Variants in NPC1L1 observed in about 807,000 individuals in gnomAD.
NPC1L1 encodes NPC1-like intracellular cholesterol transporter 1.
Under a neutral mutation model 117.0 loss-of-function variants are expected in NPC1L1, and 98 were observed. The ratio of observed to expected loss-of-function variants is 0.84; its 90% CI spans 0.71 to 0.99. NPC1L1 has a LOEUF of 0.99. Among genes scored for constraint, NPC1L1 ranks in the 50% least tolerant of loss-of-function variants. NPC1L1 has a pLI of 0.00. For missense variants in NPC1L1, 1,540 were observed against 1,710.0 expected, an observed-to-expected ratio of 0.90 and a Z score of 1.75; for synonymous variants, 729 against 727.6, an observed-to-expected ratio of 1.00 and a Z score of -0.03.
In NPC1L1 at chr7:44,518,624, G is replaced by A. The variant is rs1263893172; in HGVS notation, c.3137-1267C>T. On this transcript the variant is annotated intron_variant, in intron 14 of 18. Coordinates refer to ENST00000381160, the MANE Select transcript of NPC1L1 (RefSeq NM_001101648.2). ...GTAGAGGTTGCAGTGAGCCGAGATT[G>A]TGCCACTGTACTCCAGCCTGGGTGA... 7 of 818,446 alleles carry A rather than the reference G, an allele frequency of 8.6e-6. No homozygotes were observed. The South Asian group carries it at 1.1e-4, about 12-fold the overall frequency. The allele number at this position is 818,446 out of a possible 1,614,324, so 50.7% of individuals were successfully genotyped here.
Position 44,521,791 on chromosome 7 carries a change from A to T in NPC1L1, c.2874T>A (p.Ile958=), listed in dbSNP as rs897628996. Residue 958 remains isoleucine, a synonymous_variant, in exon 12 of 19, where the codon ATT becomes ATA. Transcript: ENST00000381160. ...AGCAGGAGGACGGGGTCAGCCAGTC[A>T]ATGAAGTCATCCACCCAGGAGGAGG... ...IPASSWVDDF[I]DWLTPSSCCR... is the part of the protein sequence containing the mutation. The T allele has an allele frequency of 1.2e-6, 2 of 1,614,042 alleles. No homozygotes were observed. The highest frequency in any genetic ancestry group is 1.7e-6 in the Non-Finnish European group (2 of 1,180,028).
In NPC1L1 at chr7:44,539,549, C is replaced by T. The variant is rs150833705; in HGVS notation, c.848G>A (p.Gly283Asp). 20 of 1,613,928 alleles carry T rather than the reference C, an allele frequency of 1.2e-5. No individual in the cohort carries two copies. In the African/African-American group the frequency reaches 2.5e-4, roughly 20 times the overall value. The change falls in exon 2 of 19, where the codon GGC becomes GAC. Residue 283 changes from glycine (G) to aspartate (D), a missense_variant. Gly to Asp is a moderately conservative substitution (Grantham distance 94, BLOSUM62 -1). Transcript: ENST00000381160. The surrounding 1 kb of genome is among the most constrained non-coding windows in gnomAD (Gnocchi z 4.4). The stretch of plus-strand genomic sequence containing the variant: ...GAGGATGATGATGAGGACCAGACTG[C>T]CCGGCATCTGGCCCAGGTAGAAGGT... ...DSTFYLGQMP[G>D]SLVLIIILCS...
chr7:44,515,723 C>T (rs1357218249), intron 18 of NPC1L1, 80 bp downstream of exon 18: 3 of 1,582,036 alleles, frequency 1.9e-6, no homozygotes, highest in South Asian at 1.1e-5. Flanking sequence ...ACTTCCTGAG[C>T]TTTTGTGGTG....
chr7:44,539,709 C>T lies in NPC1L1; in HGVS notation c.688G>A (p.Gly230Arg). The part of the protein sequence containing the change: ...FHLLEPGQAV[G>R]SGIQPLNEGV... The stretch of plus-strand genomic sequence containing the variant: ...TCATTCAGAGGCTGAATCCCACTCC[C>T]CACGGCCTGGCCAGGCTCCAAGAGG... The change falls in exon 2 of 19, where the codon GGG becomes AGG. Residue 230 changes from glycine to arginine, a missense_variant. Transcript: ENST00000381160. The surrounding 1 kb of genome is among the most constrained non-coding windows in gnomAD (Gnocchi z 4.4). 6.2e-7 allele frequency: 1 copy of T among 1,614,084 alleles called. No individual in the cohort carries two copies.
At chr7:44,540,949 G>A (rs1211148439) in intron 1 of NPC1L1, among the ~76,000 whole-genome samples, 3 of 152,058 alleles carry the variant, frequency 2.0e-5, no homozygotes, top group Non-Finnish European at 4.4e-5. Flanking sequence ...TAGGGCCAGT[G>A]ACAGGAGGGA....
intron 10 of NPC1L1, 62 bp from the exon 11 acceptor site, chr7:44,522,304 C>A: frequency 1.4e-6 from 2 of 1,459,466 alleles, no homozygotes; most frequent in Non-Finnish European, 1.9e-6. Context: ...AGGGCTCAAT[C>A]CAGCTCACAC....
Position 44,533,449 on chromosome 7 carries a change from CA to C in NPC1L1, c.2390del (p.Leu797ArgfsTer63). 3 of 1,613,950 alleles carry C rather than the reference CA, an allele frequency of 1.9e-6. No individual in the cohort carries two copies. Among genetic ancestry groups the C allele is most frequent in the Non-Finnish European group, 2.5e-6 (3 of 1,179,958 alleles). The stretch of plus-strand genomic sequence containing the variant: ...CCCCTACCTCCTGCCTCTTGCTGTC[CA>C]GGGAGAGCAGGGCCACAAAGGCTGA... Reference protein sequence around the residue: ...QMSAFVALLSLDSKRQEASRL... With the variant: ...QMSAFVALLSXDSKRQEASRL... On this transcript the variant is annotated frameshift_variant, in exon 8 of 19. Transcript: ENST00000381160. LOFTEE classifies it high-confidence loss of function.
Position 44,540,138 on chromosome 7 carries a change from T to TAGA in NPC1L1, c.258_259insTCT (p.Asn86_Thr87insSer). On this transcript the variant is annotated inframe_insertion, in exon 2 of 19. Transcript: ENST00000381160. ...TGCTTGGCGGAGCAGCAGGCTTGGG[T>TAGA]GTTGGGGCCGGTGTAGAGGCGGGGG... 6 of 1,613,778 alleles carry TAGA rather than the reference T, an allele frequency of 3.7e-6. No individual in the cohort carries two copies. The highest frequency in any genetic ancestry group is 5.1e-6 in the Non-Finnish European group (6 of 1,179,920).
At position 44,536,738 on chromosome 7, in the gene NPC1L1, C is replaced by A; in HGVS notation, c.1681+104G>T. Reference sequence around the variant, plus strand: ...TACAGCTTCCAGAAGCCAGGCTACCCCCAGGCCGCGAGAATCCCCAGCACC... The same window carrying A: ...TACAGCTTCCAGAAGCCAGGCTACCACCAGGCCGCGAGAATCCCCAGCACC... On this transcript the variant is annotated intron_variant, in intron 3 of 18. Coordinates refer to ENST00000381160, the MANE Select transcript of NPC1L1 (RefSeq NM_001101648.2). This position sits in a 1 kb window ranked among gnomAD's most constrained non-coding sequence, Gnocchi z 4.7. 2.9e-6 allele frequency: 3 copies of A among 1,047,154 alleles called. No homozygotes were observed. The highest frequency in any genetic ancestry group is 4.4e-6 in the Non-Finnish European group (3 of 681,494). The allele number at this position is 1,047,154 out of a possible 1,614,324, so 64.9% of individuals were successfully genotyped here.
rs766188111 is a variant in NPC1L1 at position 44,513,581 on chromosome 7, C to T, written c.3865G>A (p.Val1289Met). The T allele has an allele frequency of 2.5e-6, 4 of 1,614,042 alleles. No homozygotes were observed. Residue 1289 changes from valine (V) to methionine (M), a missense_variant, in exon 19 of 19, where the codon GTG becomes ATG. This residue lies in a region of NPC1L1 where 742 missense variants were observed against 873.6 expected (regional missense o/e 0.85). Coordinates refer to ENST00000381160, the MANE Select transcript of NPC1L1 (RefSeq NM_001101648.2). ...RAEEAVAAVMVASCPNHPSRV... is the reference protein window; with the variant it reads ...RAEEAVAAVMMASCPNHPSRV... ...GAGGGGTGATTTGGGCAAGAGGCCA[C>T]CATGACTGCTGCCACCGCCTCCTCA...
At chr7:44,526,601 T>G (rs900638754) in intron 10 of NPC1L1, among the ~76,000 whole-genome samples, 3 of 149,720 alleles carry the variant, frequency 2.0e-5, no homozygotes, top group East Asian at 3.9e-4. Context: ...AGATGCCAGA[T>G]GAGGTGATTC....
chr7:44,539,907 A>G lies in NPC1L1; in HGVS notation c.490T>C (p.Phe164Leu), dbSNP rs768513107. ...VAYEAFYQHS[F>L]AEQSYDSCSR... ...CAGGAGTCATAGCTCTGCTCGGCAA[A>G]GCTATGCTGGTAGAAGGCCTCATAG... Residue 164 changes from phenylalanine (F) to leucine (L), a missense_variant, in exon 2 of 19, where the codon TTT becomes CTT. Physicochemically the swap from Phe to Leu is conservative, Grantham distance 22. Transcript: ENST00000381160. This position sits in a 1 kb window ranked among gnomAD's most constrained non-coding sequence, Gnocchi z 4.4. 2 of 1,614,166 alleles carry G rather than the reference A, an allele frequency of 1.2e-6. No homozygotes were observed. Among genetic ancestry groups the G allele is most frequent in the East Asian group, 2.2e-5 (1 of 44,876 alleles).
rs1293680551 is a variant in NPC1L1, at chr7:44,541,295, C to G, written c.-36G>C. ...GGAAGGGGTCAGCGGGGAGCCAGGC[C>G]AGGCCTCAGGAACAGCCAAGGGCTG... On this transcript the variant is annotated 5_prime_UTR_variant, in exon 1 of 19. Coordinates refer to ENST00000381160, the MANE Select transcript of NPC1L1 (RefSeq NM_001101648.2). 6.5e-7 allele frequency: 1 copy of G among 1,546,590 alleles called. No homozygotes were observed. Among genetic ancestry groups the G allele is most frequent in the South Asian group, 1.2e-5 (1 of 83,876 alleles).
chr7:44,535,251 G>C (rs749830097), intron 5 of NPC1L1, among the ~76,000 whole-genome samples: 1 of 152,062 alleles, frequency 6.6e-6, no homozygotes, highest in Non-Finnish European at 1.5e-5. Context: ...TGTAATGCCA[G>C]CTACTCGGGA....
Position 44,539,826 on chromosome 7 carries a change from C to A in NPC1L1, c.571G>T (p.Val191Leu), listed in dbSNP as rs146842539. 1 of 1,614,040 alleles carries A rather than the reference C, an allele frequency of 6.2e-7. No individual in the cohort carries two copies. The highest frequency in any genetic ancestry group is 1.3e-5 in the African/African-American group (1 of 74,940). The change falls in exon 2 of 19, where the codon GTG becomes TTG. Residue 191 changes from valine to leucine, a missense_variant. Transcript: ENST00000381160. The surrounding 1 kb of genome is among the most constrained non-coding windows in gnomAD (Gnocchi z 4.4). ...GCATTGCAAAGGGCAGAGCCATACA[C>A]GCCACACATGGTGCCCACAGCCAGC... ...ATLAVGTMCG[V>L]YGSALCNAQR...
chr7:44,532,344 A>T (rs1801733595), intron 8 of NPC1L1, 127 bp from the exon 9 acceptor site: 5 of 1,024,008 alleles, frequency 4.9e-6, no homozygotes, highest in Non-Finnish European at 7.3e-6. Flanking sequence ...GAGACATACC[A>T]GTGTGCTGTT....
rs1356290475 is a variant in NPC1L1 at position 44,534,593 on chromosome 7, C to A, written c.2020G>T (p.Ala674Ser). Residue 674 changes from alanine to serine, a missense_variant, in exon 6 of 19, where the codon GCC becomes TCC. Around this residue, in one of 3 missense-constraint regions of NPC1L1, gnomAD observed 742 missense variants for 873.6 expected, o/e 0.85. Transcript: ENST00000381160. This position sits in a 1 kb window ranked among gnomAD's most constrained non-coding sequence, Gnocchi z 5.2. ...SKATLGLGGVAVVLGAVMAAM... is the reference protein window; with the variant it reads ...SKATLGLGGVSVVLGAVMAAM... ...GCCATGACTGCTCCCAGGACCACGG[C>A]CACCCCGCCGAGGCCCAGCGTGGCC... 1 of 1,614,096 alleles carries A rather than the reference C, an allele frequency of 6.2e-7. No homozygotes were observed. The highest frequency in any genetic ancestry group is 1.1e-5 in the South Asian group (1 of 91,080).
rs770090692 is a variant in NPC1L1 at position 44,539,482 on chromosome 7, G to A, written c.915C>T (p.Phe305=). ...FAVVTILLVG[F]RVAPARDKSK... is the part of the protein sequence containing the mutation. ...TTTTGTCCCTGGCGGGGGCCACACG[G>A]AATCCCACAAGCAGGATGGTGACCA... is the stretch of plus-strand genomic sequence containing the variant. The change falls in exon 2 of 19, where the codon TTC becomes TTT. Residue 305 remains phenylalanine, a synonymous_variant. Coordinates refer to ENST00000381160, the MANE Select transcript of NPC1L1 (RefSeq NM_001101648.2). The surrounding 1 kb of genome is among the most constrained non-coding windows in gnomAD (Gnocchi z 4.4). 1.1e-5 allele frequency: 17 copies of A among 1,613,850 alleles called. No individual in the cohort carries two copies. In the Middle Eastern group the frequency reaches 4.9e-4, roughly 47 times the overall value.
chr7:44,533,470 G>C lies in NPC1L1; in HGVS notation c.2370C>G (p.Ala790=), dbSNP rs1266982738. 1 of 1,614,114 alleles carries C rather than the reference G, an allele frequency of 6.2e-7. No homozygotes were observed. Among genetic ancestry groups the C allele is most frequent in the East Asian group, 2.2e-5 (1 of 44,864 alleles). Residue 790 remains alanine (A), a synonymous_variant, in exon 8 of 19, where the codon GCC becomes GCG. Coordinates refer to ENST00000381160, the MANE Select transcript of NPC1L1 (RefSeq NM_001101648.2). Reference sequence around the variant, plus strand: ...TGTCCAGGGAGAGCAGGGCCACAAAGGCTGACATCTGCAGGAGGAAGTCAA... The same window carrying C: ...TGTCCAGGGAGAGCAGGGCCACAAACGCTGACATCTGCAGGAGGAAGTCAA... ...VILDFLLQMS[A]FVALLSLDSK...
Sources: gnomAD v4.1 joint callset for allele counts (sites outside exome capture counted in the v4.1 genomes callset) on GRCh38, gnomAD v4.1.1 for gene constraint, gnomAD v4.1.1 regional missense constraint, Gnocchi (gnomAD v3.1) non-coding constraint, MANE v1.5 for transcripts, NCBI Gene and HGNC (gene_info 2026-07-23, HGNC 2026-07-21) for gene names.